The following CD6 variants were observed in gnomAD, a reference collection of about 807,000 sequenced individuals.
The protein encoded by CD6 is T-cell differentiation antigen CD6.
CD6 carries 53 observed loss-of-function variants against 75.3 expected under a neutral mutation model. The ratio of observed to expected loss-of-function variants is 0.70; its 90% CI spans 0.56 to 0.88. CD6 has a LOEUF of 0.88. CD6 is among the 40% of genes least tolerant of loss of function. The pLI is 0.00. For synonymous variants in CD6, 359 were observed against 381.5 expected, an observed-to-expected ratio of 0.94 and a Z score of 0.69; for missense variants, 770 against 897.1, an observed-to-expected ratio of 0.86 and a Z score of 1.81.
intron 7 of CD6, 61 bp from the exon 8 acceptor site, chr11:61,013,858 C>A (rs1285896201): frequency 7.5e-6 from 9 of 1,194,276 alleles, no homozygotes; most frequent in Non-Finnish European, 1.1e-5. Flanking sequence ...CAGAACGGAA[C>A]CAGGTAGACT....
In CD6 at chr11:61,015,792, T is replaced by C; in HGVS notation, c.1467T>C (p.Tyr489=). 2 of 1,614,206 alleles carry C rather than the reference T, an allele frequency of 1.2e-6. No homozygotes were observed. The stretch of plus-strand genomic sequence containing the variant: ...GCTCGGACTCAGACTATGAGCACTA[T>C]GACTTCAGCGCCCAGCCTCCTGTGG... ...DSGSDSDYEH[Y]DFSAQPPVAL... is the part of the protein sequence containing the mutation. Residue 489 remains tyrosine, a synonymous_variant, in exon 9 of 13, where the codon TAT becomes TAC. Coordinates refer to ENST00000313421, the MANE Select transcript of CD6 (RefSeq NM_006725.5).
intron 1 of CD6, among the ~76,000 whole-genome samples, chr11:61,002,531 T>G (rs1858633273): frequency 6.6e-6 from 1 of 151,974 alleles, no homozygotes; most frequent in Non-Finnish European, 1.5e-5. Context: ...CACTCCAGCC[T>G]GGGTGACAGA....
At chr11:60,985,424 A>T (rs1279862777) in intron 1 of CD6, among the ~76,000 whole-genome samples, 1 of 151,954 alleles carries the variant, frequency 6.6e-6, no homozygotes, top group East Asian at 1.9e-4. Context: ...GCCTCAGGTG[A>T]TCTGCCCGTC....
At position 60,972,215 on chromosome 11, in the gene CD6, G is replaced by C. The variant is rs116547916; in HGVS notation, c.49+301G>C. On this transcript the variant is annotated intron_variant, in intron 1 of 12. Transcript: ENST00000313421. ...GTGCCTCTCCCATCCTTAAGCTCAG[G>C]AACTCCCCCATTTCCTATTTCTTGC... 8.4e-3 allele frequency among the ~76,000 whole-genome samples: 1,278 copies of C among 152,232 alleles called. 26 individuals carry two copies. Among genetic ancestry groups the C allele is most frequent in the African/African-American group, 0.028 (1,181 of 41,530 alleles).
At chr11:60,991,346 C>CTTCTCCA (rs1417397541) in intron 1 of CD6, among the ~76,000 whole-genome samples, 1 of 151,542 alleles carries the variant, frequency 6.6e-6, no homozygotes, top group East Asian at 1.9e-4. Context: ...AGAGACAGGG[C>CTTCTCCA]TTCTCCATGT....
At position 61,017,621 on chromosome 11, in the gene CD6, C is replaced by G. The variant is rs1859470572; in HGVS notation, c.1582+71C>G. ...AGAGTAGCTCAGCTCAGCTTGAGAC[C>G]TTCCAGCAGGAACCTCCCTCAATGA... is the stretch of plus-strand genomic sequence containing the variant. On this transcript the variant is annotated intron_variant, in intron 10 of 12. Coordinates refer to ENST00000313421, the MANE Select transcript of CD6 (RefSeq NM_006725.5). 2.6e-6 allele frequency: 4 copies of G among 1,567,498 alleles called. No homozygotes were observed. The South Asian group carries it at 4.5e-5, about 17-fold the overall frequency.
intron 1 of CD6, among the ~76,000 whole-genome samples, chr11:61,001,746 G>A (rs1318977719): frequency 2.0e-5 from 3 of 152,106 alleles, no homozygotes; most frequent in East Asian, 3.8e-4. Context: ...GGCTGTGACT[G>A]TGTCCCACGA....
chr11:60,997,443 AT>A (rs1287543828), intron 1 of CD6, among the ~76,000 whole-genome samples: 1 of 151,222 alleles, frequency 6.6e-6, no homozygotes, highest in Non-Finnish European at 1.5e-5. Context: ...TAGCAGCTGC[AT>A]TTTTTCAAAA....
At position 61,009,731 on chromosome 11, in the gene CD6, G is replaced by A. The variant is rs769280542; in HGVS notation, c.941G>A (p.Arg314Lys). The change falls in exon 5 of 13, where the codon AGG (arginine) becomes AAG (lysine). Residue 314 changes from arginine (R) to lysine (K), a missense_variant. By Grantham distance (26) the Arg-to-Lys change is conservative (BLOSUM62 2). Transcript: ENST00000313421. ...TTGGGCTGTGGAACTGCGGTTGAGAGGCCCAAGGGGCTGCCCCACTCCTTG... is the reference window on the plus strand; with the variant it reads ...TTGGGCTGTGGAACTGCGGTTGAGAAGCCCAAGGGGCTGCCCCACTCCTTG... ...QSLGCGTAVERPKGLPHSLSG... is the reference protein window; with the variant it reads ...QSLGCGTAVEKPKGLPHSLSG... The A allele has an allele frequency of 1.2e-6, 2 of 1,614,080 alleles. No homozygotes were observed. Among genetic ancestry groups the A allele is most frequent in the Non-Finnish European group, 1.7e-6 (2 of 1,180,022 alleles).
At position 61,019,428 on chromosome 11, in the gene CD6, A is replaced by G. The variant is rs547951663; in HGVS notation, c.*110A>G. 4 of 817,902 alleles carry G rather than the reference A, an allele frequency of 4.9e-6. No individual in the cohort carries two copies. The Admixed American group carries it at 7.7e-5, about 16-fold the overall frequency. 50.7% of individuals were successfully genotyped at this position (817,902 alleles called of 1,614,324 possible). A position where few individuals can be genotyped will look rare whatever the true frequency, so the allele number is the denominator to read the frequency against. ...CAGCTCACCTCCCCATGGAGCTGAGAGGCCTCCCTTGGAGAGATGGAAGGA... is the reference window on the plus strand; with the variant it reads ...CAGCTCACCTCCCCATGGAGCTGAGGGGCCTCCCTTGGAGAGATGGAAGGA... On this transcript the variant is annotated 3_prime_UTR_variant, in exon 13 of 13. Transcript: ENST00000313421.
At chr11:61,000,528 G>A (rs1271872206) in intron 1 of CD6, among the ~76,000 whole-genome samples, 1 of 152,196 alleles carries the variant, frequency 6.6e-6, no homozygotes, top group Non-Finnish European at 1.5e-5. Flanking sequence ...GTAACCTCAG[G>A]TGTAGCTGGT....
intron 1 of CD6, among the ~76,000 whole-genome samples, chr11:61,001,194 G>T (rs1858571226): frequency 1.5e-5 from 2 of 136,312 alleles, no homozygotes; most frequent in South Asian, 2.3e-4. Context: ...TGATGATGAT[G>T]TGTCTTTTTT....
intron 12 of CD6, chr11:61,018,836 C>T (rs1053435425): frequency 2.5e-5 from 6 of 241,058 alleles, no homozygotes; most frequent in Non-Finnish European, 4.8e-5. Context: ...AGAAAACAAA[C>T]ACAAGCACAA....
chr11:61,001,373 T>A (rs141099168), intron 1 of CD6, among the ~76,000 whole-genome samples: 6,464 of 152,018 alleles, frequency 0.043, 186 homozygotes, highest in Middle Eastern at 0.1. Flanking sequence ...TGGCTAACTT[T>A]TGTATTTTTA....
intron 1 of CD6, among the ~76,000 whole-genome samples, chr11:60,996,578 T>A (rs1193119940): frequency 1.3e-5 from 2 of 152,222 alleles, no homozygotes; most frequent in African/African-American, 2.4e-5. Context: ...GTAGCATTTG[T>A]CATCACTGCT....
intron 1 of CD6, among the ~76,000 whole-genome samples, chr11:61,004,945 C>A (rs1043322649): frequency 1.3e-5 from 2 of 152,204 alleles, no homozygotes; most frequent in African/African-American, 4.8e-5. Flanking sequence ...ACCAGCCCAA[C>A]CTAAGTGCAA....
intron 1 of CD6, among the ~76,000 whole-genome samples, chr11:60,999,224 T>C (rs1333442261): frequency 6.6e-6 from 1 of 151,932 alleles, no homozygotes; most frequent in Non-Finnish European, 1.5e-5. Flanking sequence ...TATTTTCTTT[T>C]CCTATAGTAG....
intron 1 of CD6, among the ~76,000 whole-genome samples, chr11:61,003,447 A>C (rs1161118296): frequency 6.6e-6 from 1 of 151,424 alleles, no homozygotes; most frequent in Non-Finnish European, 1.5e-5. Flanking sequence ...AAGTGGTAAC[A>C]ATGGGCCGGG....
chr11:61,015,693 C>G lies in CD6; in HGVS notation c.1388-20C>G, dbSNP rs759709693. 5.6e-6 allele frequency: 9 copies of G among 1,613,892 alleles called. No individual in the cohort carries two copies. In the South Asian group the frequency reaches 6.6e-5, roughly 12 times the overall value. ...TCCGCCCACCACTTTGCCATGCCCT[C>G]GACTCTGTTCTCTCCCCAGTTTTCA... On this transcript the variant is annotated intron_variant, in intron 8 of 12. Coordinates refer to ENST00000313421, the MANE Select transcript of CD6 (RefSeq NM_006725.5).
Sources: allele counts gnomAD v4.1 joint callset (sites outside exome capture counted in the v4.1 genomes callset), GRCh38; gene constraint gnomAD v4.1.1; transcripts MANE v1.5; gene names NCBI Gene and HGNC (gene_info 2026-07-23, HGNC 2026-07-21).